MAPK10: variants seen among roughly 807,000 people sequenced by gnomAD.
The protein encoded by MAPK10 is mitogen-activated protein kinase 10.
A neutral mutation model predicts 59.3 loss-of-function variants in MAPK10; 25 were observed. The observed-to-expected ratio is 0.42, with a 90% CI of 0.31 to 0.59. The LOEUF (loss-of-function observed/expected upper bound fraction) is 0.59. MAPK10 is among the 20% of genes least tolerant of loss of function. The pLI is 0.15. For missense variants in MAPK10, 351 were observed against 568.9 expected (o/e 0.62, Z 3.90); for synonymous variants, 190 against 200.5 (o/e 0.95, Z 0.44).
intron 2 of MAPK10, among the ~76,000 whole-genome samples, chr4:86,204,095 G>A (rs774628539): frequency 1.5e-4 from 23 of 151,918 alleles, no homozygotes; most frequent in African/African-American, 2.4e-4. Flanking sequence ...CTGAGTAATC[G>A]TGAGAGGAAC....
chr4:86,339,501 T>A (rs1490884838), intron 2 of MAPK10, among the ~76,000 whole-genome samples: 2 of 152,214 alleles, frequency 1.3e-5, no homozygotes, highest in African/African-American at 4.8e-5. Flanking sequence ...TTGAAAAAGG[T>A]CAGGACACAG....
chr4:86,443,422 C>T (rs748352279), intron 1 of MAPK10, among the ~76,000 whole-genome samples: 11 of 151,666 alleles, frequency 7.3e-5, no homozygotes, highest in East Asian at 1.9e-4. Context: ...ATCCAACTCC[C>T]GTCCCCTCTA....
At chr4:86,479,577 C>T (rs987616144) in intron 1 of MAPK10, among the ~76,000 whole-genome samples, 2 of 152,106 alleles carry the variant, frequency 1.3e-5, no homozygotes, top group East Asian at 1.9e-4. Flanking sequence ...TTTACACTGC[C>T]GATTTACACT....
rs540373766 is a variant in MAPK10 at position 86,439,691 on chromosome 4, G to A, written c.-122+13339C>T. On this transcript the variant is annotated intron_variant, in intron 1 of 13. Transcript: ENST00000361569. ...CAGACGGTTTTTGAAAGTGTCTGTAGTATTTTTTATTCCTACCAGCAACGT... is the reference window on the plus strand; with the variant it reads ...CAGACGGTTTTTGAAAGTGTCTGTAATATTTTTTATTCCTACCAGCAACGT... Among the ~76,000 whole-genome samples the A allele has an allele frequency of 5.3e-5, 8 of 152,290 alleles. No individual in the cohort carries two copies. In the East Asian group the frequency reaches 1.2e-3, roughly 22 times the overall value.
At chr4:86,047,946 C>A (rs1392419531) in intron 11 of MAPK10, among the ~76,000 whole-genome samples, 2 of 151,914 alleles carry the variant, frequency 1.3e-5, no homozygotes, top group East Asian at 3.9e-4. Flanking sequence ...ATTACATGGT[C>A]CAGGGTAGAA....
intron 4 of MAPK10, chr4:86,125,239 TAAG>T (rs1241987399): frequency 6.6e-6 from 1 of 151,830 alleles, no homozygotes; most frequent in Non-Finnish European, 1.5e-5. Flanking sequence ...CATTAAAACT[TAAG>T]AATAATAAAT....
intron 4 of MAPK10, among the ~76,000 whole-genome samples, chr4:86,143,490 G>C (rs544844706): frequency 8.5e-5 from 13 of 152,272 alleles, no homozygotes; most frequent in African/African-American, 2.2e-4. Context: ...CTGGAACTAT[G>C]CAGGAACTCA....
intron 1 of MAPK10, among the ~76,000 whole-genome samples, chr4:86,492,997 A>G (rs1259589034): frequency 6.6e-6 from 1 of 152,174 alleles, no homozygotes; most frequent in Non-Finnish European, 1.5e-5. Context: ...TGAAAACCTA[A>G]CTTAGTAGTA....
chr4:86,477,306 A>G (rs973138182), intron 1 of MAPK10, among the ~76,000 whole-genome samples: 24 of 151,774 alleles, frequency 1.6e-4, no homozygotes, highest in African/African-American at 5.8e-4. Context: ...TCTTTTAAGC[A>G]CTCCTTTTTA....
chr4:86,092,673 A>G (rs2053475479), intron 9 of MAPK10, among the ~76,000 whole-genome samples: 1 of 152,022 alleles, frequency 6.6e-6, no homozygotes, highest in Non-Finnish European at 1.5e-5. Flanking sequence ...ATTTTATGAA[A>G]TTGTCAGGTA....
At chr4:86,493,509 C>A (rs959121094) in intron 1 of MAPK10, among the ~76,000 whole-genome samples, 1 of 152,102 alleles carries the variant, frequency 6.6e-6, no homozygotes, top group African/African-American at 2.4e-5. Flanking sequence ...TTTACTTTGT[C>A]CTGGATTCTA....
At chr4:86,496,319 A>G (rs751463610) in intron 1 of MAPK10, among the ~76,000 whole-genome samples, 68 of 152,198 alleles carry the variant, frequency 4.5e-4, no homozygotes, top group Admixed American at 2.7e-3. Context: ...CATTTGAAAA[A>G]CCCAAACATA....
At chr4:86,330,955 C>T (rs1234182636) in intron 2 of MAPK10, among the ~76,000 whole-genome samples, 3 of 151,990 alleles carry the variant, frequency 2.0e-5, no homozygotes, top group African/African-American at 7.3e-5. Context: ...TCCTTTTCAT[C>T]CTCATCTTAG....
intron 1 of MAPK10, among the ~76,000 whole-genome samples, chr4:86,399,594 C>T (rs1296155829): frequency 6.6e-6 from 1 of 151,972 alleles, no homozygotes; most frequent in East Asian, 1.9e-4. Flanking sequence ...ATTTTGAGGG[C>T]AAGAATTGCA....
At chr4:86,401,735 T>G (rs1743753102) in intron 1 of MAPK10, among the ~76,000 whole-genome samples, 1 of 152,206 alleles carries the variant, frequency 6.6e-6, no homozygotes, top group Non-Finnish European at 1.5e-5. Context: ...TTATAAAATA[T>G]TCACAAGATG....
At chr4:86,492,226 C>T (rs190806349) in intron 1 of MAPK10, among the ~76,000 whole-genome samples, 2 of 152,136 alleles carry the variant, frequency 1.3e-5, no homozygotes, top group African/African-American at 2.4e-5. Flanking sequence ...AGGTAGGTCT[C>T]GAGAAGGAAT....
intron 1 of MAPK10, among the ~76,000 whole-genome samples, chr4:86,382,743 G>C (rs1740932516): frequency 6.6e-6 from 1 of 152,150 alleles, no homozygotes; most frequent in African/African-American, 2.4e-5. Flanking sequence ...TCACATTCCT[G>C]TCATGGTGAT....
intron 1 of MAPK10, among the ~76,000 whole-genome samples, chr4:86,431,737 C>G (rs1379435004): frequency 6.6e-6 from 1 of 151,890 alleles, no homozygotes; most frequent in Non-Finnish European, 1.5e-5. Context: ...GCAGGATGGC[C>G]AAATATACAT....
intron 1 of MAPK10, among the ~76,000 whole-genome samples, chr4:86,547,633 G>A (rs1759337655): frequency 6.6e-6 from 1 of 152,222 alleles, no homozygotes; most frequent in African/African-American, 2.4e-5. Flanking sequence ...AAGGGCTGAG[G>A]AATGCCGGCG....
Sources: allele counts gnomAD v4.1 joint callset (sites outside exome capture counted in the v4.1 genomes callset), GRCh38; gene constraint gnomAD v4.1.1; transcripts MANE v1.5; gene names NCBI Gene and HGNC (gene_info 2026-07-23, HGNC 2026-07-21).